EEPD1: variants seen among roughly 807,000 people sequenced by gnomAD.
EEPD1 encodes the protein endonuclease/exonuclease/phosphatase family domain-containing protein 1.
Under a neutral mutation model 46.3 loss-of-function variants are expected in EEPD1, and 17 were observed. That is an observed-to-expected ratio of 0.37 (90% CI 0.25 to 0.55). The LOEUF (loss-of-function observed/expected upper bound fraction) is 0.55, where lower values mean the gene tolerates loss of function less well. EEPD1 is among the 20% of genes least tolerant of loss of function. The pLI is 0.83. For missense variants in EEPD1, 673 were observed against 745.6 expected, an observed-to-expected ratio of 0.90 and a Z score of 1.13; for synonymous variants, 313 against 315.6, an observed-to-expected ratio of 0.99 and a Z score of 0.09.
At chr7:36,212,763 G>A (rs536131454) in intron 2 of EEPD1, among the ~76,000 whole-genome samples, 22 of 152,036 alleles carry the variant, frequency 1.4e-4, no homozygotes, top group Admixed American at 1.2e-3. Flanking sequence ...ATACCAGTAT[G>A]TAAACAGTGG....
intron 2 of EEPD1, among the ~76,000 whole-genome samples, chr7:36,213,424 G>A (rs914286246): frequency 3.3e-5 from 5 of 152,208 alleles, no homozygotes; most frequent in South Asian, 2.1e-4. Flanking sequence ...AAGTTCCTGC[G>A]AGGCACTGTA....
At chr7:36,182,780 T>C (rs2700923) in intron 2 of EEPD1, among the ~76,000 whole-genome samples, 19,668 of 152,308 alleles carry the variant, frequency 0.13, 1,694 homozygotes, top group Non-Finnish European at 0.19. Flanking sequence ...CTTTCAGTGA[T>C]GGACACGGGA....
At chr7:36,249,048 T>C (rs1259119670) in intron 3 of EEPD1, among the ~76,000 whole-genome samples, 2 of 131,034 alleles carry the variant, frequency 1.5e-5, no homozygotes, top group African/African-American at 2.9e-5. Flanking sequence ...TTCTCCTTAT[T>C]CTTTGAAAAT....
chr7:36,216,748 C>G (rs1786035273), intron 2 of EEPD1, among the ~76,000 whole-genome samples: 1 of 152,152 alleles, frequency 6.6e-6, no homozygotes, highest in Non-Finnish European at 1.5e-5. Context: ...TACTTAATGA[C>G]ATGAGGTCAT....
intron 2 of EEPD1, chr7:36,228,622 G>T (rs1225953110): frequency 6.6e-6 from 1 of 152,120 alleles, no homozygotes; most frequent in Non-Finnish European, 1.5e-5. Context: ...GGCCAGGCCT[G>T]CCAGGATTTT....
chr7:36,250,107 C>T (rs958929842), intron 3 of EEPD1, among the ~76,000 whole-genome samples: 17 of 151,858 alleles, frequency 1.1e-4, no homozygotes, highest in Admixed American at 2.6e-4. Context: ...TTGTAGTCCC[C>T]GCTACTCAGG....
intron 6 of EEPD1, among the ~76,000 whole-genome samples, chr7:36,288,748 C>T (rs1787378488): frequency 6.7e-6 from 1 of 148,482 alleles, no homozygotes; most frequent in South Asian, 2.1e-4. Flanking sequence ...GGCAACACAG[C>T]AAGACCCCAT....
At chr7:36,229,029 T>C (rs1468518986) in intron 2 of EEPD1, 1 of 152,292 alleles carries the variant, frequency 6.6e-6, no homozygotes, top group Non-Finnish European at 1.5e-5. Flanking sequence ...GAGAGCCCCT[T>C]TCCCCAGGTT....
At chr7:36,172,923 G>A (rs1451149065) in intron 2 of EEPD1, among the ~76,000 whole-genome samples, 1 of 151,816 alleles carries the variant, frequency 6.6e-6, no homozygotes, top group Non-Finnish European at 1.5e-5. Flanking sequence ...GGGGATTGGG[G>A]GCAGTCTTGG....
intron 4 of EEPD1, among the ~76,000 whole-genome samples, chr7:36,282,460 C>T (rs1029226043): frequency 3.3e-5 from 5 of 152,224 alleles, no homozygotes; most frequent in African/African-American, 1.2e-4. Context: ...CTGGCCCCTC[C>T]CGCAGGGAGT....
At chr7:36,213,355 T>C (rs747959448) in intron 2 of EEPD1, among the ~76,000 whole-genome samples, 1 of 151,934 alleles carries the variant, frequency 6.6e-6, no homozygotes, top group Non-Finnish European at 1.5e-5. Flanking sequence ...GTGTCTGAGA[T>C]GGGGAAAAGG....
At position 36,284,742 on chromosome 7, in the gene EEPD1, C is replaced by T. The variant is rs765158676; in HGVS notation, c.1098C>T (p.Asp366=). The stretch of plus-strand genomic sequence containing the variant: ...CGGCTGCCGGCATGGAGCTGAGAGA[C>T]GCGGGTTCACAGGAGAGCTCGCCAA... ...WDAAAGMELR[D]AGSQESSPSN... The change falls in exon 5 of 8, where the codon GAC becomes GAT. Residue 366 remains aspartate, a synonymous_variant. Coordinates refer to ENST00000242108, the MANE Select transcript of EEPD1 (RefSeq NM_030636.3). 12 of 1,608,664 alleles carry T rather than the reference C, an allele frequency of 7.5e-6. No individual in the cohort carries two copies. Among genetic ancestry groups the T allele is most frequent in the Admixed American group, 1.7e-5 (1 of 59,620 alleles).
chr7:36,184,986 C>T (rs1156689027), intron 2 of EEPD1, among the ~76,000 whole-genome samples: 1 of 152,148 alleles, frequency 6.6e-6, no homozygotes, highest in African/African-American at 2.4e-5. Context: ...CTGCCTGGGC[C>T]TTCCAAAGTG....
chr7:36,153,405 C>T lies in EEPD1; in HGVS notation c.-462C>T, dbSNP rs1025363062. On this transcript the variant is annotated 5_prime_UTR_variant, in exon 1 of 8. Coordinates refer to ENST00000242108, the MANE Select transcript of EEPD1 (RefSeq NM_030636.3). ...GCGCCGCCGCAAGCCCCGGTGCAGC[C>T]TCGGCGGCGGGTTTCGCCGCCGCTG... is the stretch of plus-strand genomic sequence containing the variant. The T allele has an allele frequency of 2.0e-5, 3 of 152,236 alleles. No homozygotes were observed. The highest frequency in any genetic ancestry group is 7.2e-5 in the African/African-American group (3 of 41,454). 9.4% of individuals were successfully genotyped at this position (152,236 alleles called of 1,614,324 possible). A position where few individuals can be genotyped will look rare whatever the true frequency, so the allele number is the denominator to read the frequency against.
At chr7:36,251,842 C>T (rs1786743392) in intron 3 of EEPD1, among the ~76,000 whole-genome samples, 1 of 152,150 alleles carries the variant, frequency 6.6e-6, no homozygotes, top group African/African-American at 2.4e-5. Context: ...TTTAAAATTA[C>T]ATATATGCAA....
intron 2 of EEPD1, among the ~76,000 whole-genome samples, chr7:36,174,671 G>A (rs1442183949): frequency 2.0e-5 from 3 of 152,194 alleles, no homozygotes; most frequent in Non-Finnish European, 4.4e-5. Context: ...TCTGCCTTCT[G>A]ATCGCTTTCA....
At chr7:36,216,379 G>C (rs182577996) in intron 2 of EEPD1, among the ~76,000 whole-genome samples, 96 of 152,274 alleles carry the variant, frequency 6.3e-4, no homozygotes, top group Middle Eastern at 3.4e-3. Flanking sequence ...AGTCTCTTTA[G>C]TGCTCAAGTA....
intron 2 of EEPD1, among the ~76,000 whole-genome samples, chr7:36,168,561 T>C (rs1379442551): frequency 6.6e-6 from 1 of 152,192 alleles, no homozygotes; most frequent in Non-Finnish European, 1.5e-5. Flanking sequence ...GAGACCATCC[T>C]GGCTAACATG....
intron 2 of EEPD1, among the ~76,000 whole-genome samples, chr7:36,189,235 T>G (rs975595998): frequency 2.6e-5 from 4 of 152,332 alleles, no homozygotes; most frequent in African/African-American, 7.2e-5. Context: ...CCCCAAAAAC[T>G]ATTTGCTGAC....
Sources: gnomAD v4.1 joint callset for allele counts (sites outside exome capture counted in the v4.1 genomes callset) on GRCh38, gnomAD v4.1.1 for gene constraint, MANE v1.5 for transcripts, NCBI Gene and HGNC (gene_info 2026-07-23, HGNC 2026-07-21) for gene names.